Variants in SYNPO2 observed in about 807,000 individuals in gnomAD.
The protein encoded by SYNPO2 is synaptopodin 2, also known as synaptopodin-2.
SYNPO2 carries 56 observed loss-of-function variants against 85.0 expected under a neutral mutation model. That is an observed-to-expected ratio of 0.66 (90% CI 0.53 to 0.82). SYNPO2 has a LOEUF of 0.82. Ranked by LOEUF, SYNPO2 falls within the 40% of genes least tolerant of loss-of-function variation. The pLI is 0.00. For synonymous variants in SYNPO2, 602 were observed against 591.1 expected, an observed-to-expected ratio of 1.02 and a Z score of -0.27; for missense variants, 1,575 against 1,534.2, an observed-to-expected ratio of 1.03 and a Z score of -0.44.
intron 1 of SYNPO2, among the ~76,000 whole-genome samples, chr4:118,976,567 T>A (rs1191583284): frequency 6.6e-6 from 1 of 152,158 alleles, no homozygotes; most frequent in African/African-American, 2.4e-5. Flanking sequence ...GCCTGTTTTG[T>A]CAGGGCGCTG....
chr4:118,863,000 G>A (rs567763027), intron 1 of SYNPO2, among the ~76,000 whole-genome samples: 4 of 151,966 alleles, frequency 2.6e-5, no homozygotes, highest in African/African-American at 7.3e-5. Context: ...TTGTAGAGAC[G>A]GGATTTCACC....
intron 1 of SYNPO2, among the ~76,000 whole-genome samples, chr4:118,853,764 G>T (rs948763690): frequency 6.6e-6 from 1 of 152,060 alleles, no homozygotes; most frequent in East Asian, 1.9e-4. Context: ...TTATGCCATG[G>T]CCTGTGCTGC....
rs999458277 is a variant in SYNPO2 at position 119,008,101 on chromosome 4, CTTCATAGAT to C, written c.106-15312_106-15304del. Among the ~76,000 whole-genome samples the C allele has an allele frequency of 9.8e-5, 15 of 152,290 alleles. No homozygotes were observed. In the South Asian group the frequency reaches 2.3e-3, roughly 23 times the overall value. On this transcript the variant is annotated intron_variant, in intron 1 of 4. Coordinates refer to ENST00000307142, the MANE Select transcript of SYNPO2 (RefSeq NM_133477.3). Reference sequence around the variant, plus strand: ...TGTTCAGGAACTCGGCCATATTCATCTTCATAGATTTCATAGATTTCATAGTACAGTAAC... The same window carrying C: ...TGTTCAGGAACTCGGCCATATTCATCTTCATAGATTTCATAGTACAGTAAC...
At chr4:118,890,258 G>A (rs1173299439) in intron 1 of SYNPO2, among the ~76,000 whole-genome samples, 1 of 151,212 alleles carries the variant, frequency 6.6e-6, no homozygotes, top group Non-Finnish European at 1.5e-5. Context: ...CTTTCGTAAT[G>A]TGATGGTGGA....
intron 1 of SYNPO2, among the ~76,000 whole-genome samples, chr4:118,906,618 T>C (rs1377391635): frequency 6.6e-6 from 1 of 152,192 alleles, no homozygotes; most frequent in Non-Finnish European, 1.5e-5. Flanking sequence ...CTGGAAAGGA[T>C]AATTATTTAT....
chr4:118,871,771 T>G (rs927995317), intron 1 of SYNPO2, among the ~76,000 whole-genome samples: 10 of 152,146 alleles, frequency 6.6e-5, no homozygotes, highest in Admixed American at 1.3e-4. Context: ...GGGTTTCACA[T>G]TGTTAGCCAG....
At chr4:119,021,318 T>C (rs1435966241) in intron 1 of SYNPO2, among the ~76,000 whole-genome samples, 1 of 152,240 alleles carries the variant, frequency 6.6e-6, no homozygotes, top group Non-Finnish European at 1.5e-5. Flanking sequence ...TTTAAGACTT[T>C]AGCAGGAATT....
At chr4:118,913,264 C>T (rs2149124898) in intron 1 of SYNPO2, among the ~76,000 whole-genome samples, 1 of 152,144 alleles carries the variant, frequency 6.6e-6, no homozygotes, top group Admixed American at 6.5e-5. Context: ...TGCATAGTAT[C>T]ATCAGGGAGC....
intron 1 of SYNPO2, among the ~76,000 whole-genome samples, chr4:118,998,920 C>T (rs1031912979): frequency 1.3e-5 from 2 of 150,688 alleles, no homozygotes; most frequent in African/African-American, 4.9e-5. Context: ...TTCTTTCTAA[C>T]TTGTACTAGA....
intron 1 of SYNPO2, among the ~76,000 whole-genome samples, chr4:118,949,453 A>G (rs1226461986): frequency 6.6e-6 from 1 of 152,178 alleles, no homozygotes; most frequent in Non-Finnish European, 1.5e-5. Context: ...TCTTTAAATT[A>G]TGTTACAGCC....
chr4:118,904,620 T>G (rs1432430946), intron 1 of SYNPO2, among the ~76,000 whole-genome samples: 1 of 152,214 alleles, frequency 6.6e-6, no homozygotes, highest in Non-Finnish European at 1.5e-5. Context: ...ATGAGGATTT[T>G]GTTCCCTCCC....
At chr4:119,035,512 G>C in intron 4 of SYNPO2, 1 of 985,388 alleles carries the variant, frequency 1.0e-6, no homozygotes, top group Non-Finnish European at 1.2e-6. Flanking sequence ...TGTTTTGTAA[G>C]ACACATTTGG....
chr4:119,001,094 C>T (rs933469689), intron 1 of SYNPO2, among the ~76,000 whole-genome samples: 5 of 152,198 alleles, frequency 3.3e-5, no homozygotes, highest in South Asian at 2.1e-4. Flanking sequence ...ACCCACTGTT[C>T]GTTTTCTCCT....
chr4:118,934,909 G>A lies in SYNPO2; in HGVS notation c.105+45768G>A, dbSNP rs888586121. Among the ~76,000 whole-genome samples the A allele has an allele frequency of 2.0e-5, 3 of 151,952 alleles. No homozygotes were observed. In the East Asian group the frequency reaches 5.8e-4, roughly 29 times the overall value. ...TGCTTCCCATTGTCCTTTATTCATC[G>A]GTGTTTATTTTGCCCTTTTTAGCCA... is the stretch of plus-strand genomic sequence containing the variant. On this transcript the variant is annotated intron_variant, in intron 1 of 4. Coordinates refer to ENST00000307142, the MANE Select transcript of SYNPO2 (RefSeq NM_133477.3).
At chr4:118,982,518 A>G (rs1736067812) in intron 1 of SYNPO2, among the ~76,000 whole-genome samples, 1 of 152,120 alleles carries the variant, frequency 6.6e-6, no homozygotes, top group East Asian at 1.9e-4. Flanking sequence ...AAGAGAAGAG[A>G]AGGAGGATGG....
At chr4:119,027,545 G>T in intron 3 of SYNPO2, 107 bp downstream of exon 3, 1 of 1,097,126 alleles carries the variant, frequency 9.1e-7, no homozygotes, top group South Asian at 2.1e-5. Context: ...TTTCTCATTG[G>T]CTTAAAGAAA....
intron 1 of SYNPO2, among the ~76,000 whole-genome samples, chr4:118,915,838 T>G (rs747772466): frequency 5.9e-5 from 9 of 152,220 alleles, no homozygotes; most frequent in Non-Finnish European, 1.2e-4. Context: ...TCTTAATGCT[T>G]CATTTTATTA....
rs139523981 is a variant in SYNPO2 at position 118,934,002 on chromosome 4, A to G, written c.105+44861A>G. ...TTCTGAAAGAGATACTGATGGTTAT[A>G]GAGACCAGTTTTTTGGATAAACTAG... On this transcript the variant is annotated intron_variant, in intron 1 of 4. Coordinates refer to ENST00000307142, the MANE Select transcript of SYNPO2 (RefSeq NM_133477.3). 1.5e-3 allele frequency among the ~76,000 whole-genome samples: 226 copies of G among 152,216 alleles called. 1 individual carries two copies. The highest frequency in any genetic ancestry group is 5.1e-3 in the African/African-American group (214 of 41,558).
At position 119,030,800 on chromosome 4, in the gene SYNPO2, A is replaced by G. The variant is rs772919411; in HGVS notation, c.2025A>G (p.Ser675=). 6.2e-7 allele frequency: 1 copy of G among 1,614,162 alleles called. No individual in the cohort carries two copies. Among genetic ancestry groups the G allele is most frequent in the South Asian group, 1.1e-5 (1 of 91,074 alleles). ...TAGCTTCCCGAGATGAGAGGATCTC[A>G]GTGCCAGCAAAAAGAACAGGAATAT... is the stretch of plus-strand genomic sequence containing the variant. ...ERIASRDERI[S]VPAKRTGILQ... is the part of the protein sequence containing the mutation. The change falls in exon 4 of 5, where the codon TCA becomes TCG. Residue 675 remains serine (S), a synonymous_variant. Transcript: ENST00000307142.
Sources: gnomAD v4.1 joint callset for allele counts (sites outside exome capture counted in the v4.1 genomes callset) on GRCh38, gnomAD v4.1.1 for gene constraint, MANE v1.5 for transcripts, NCBI Gene and HGNC (gene_info 2026-07-23, HGNC 2026-07-21) for gene names.